The following SYNE2 variants were observed in gnomAD, a reference collection of about 807,000 sequenced individuals.
SYNE2 encodes the protein nesprin-2.
A neutral mutation model predicts 856.3 loss-of-function variants in SYNE2; 431 were observed. That is an observed-to-expected ratio of 0.50 (90% CI 0.47 to 0.55). The LOEUF (loss-of-function observed/expected upper bound fraction) is 0.55. Among genes scored for constraint, SYNE2 ranks in the 20% least tolerant of loss-of-function variants. The probability of loss-of-function intolerance (pLI) is 0.00; values close to 1 mark genes in which losing one functional copy is unlikely to be tolerated. For missense variants in SYNE2, 8,129 were observed against 8,023.2 expected (o/e 1.01, Z -0.50); for synonymous variants, 2,923 against 2,872.3 (o/e 1.02, Z -0.56).
intron 64 of SYNE2, among the ~76,000 whole-genome samples, chr14:64,102,571 G>A (rs1278248998): frequency 1.6e-5 from 2 of 125,078 alleles, no homozygotes; most frequent in African/African-American, 3.0e-5. Context: ...AACATGTTTT[G>A]AAATGTGTAT....
At chr14:63,904,036 C>T (rs2153337054) in intron 1 of SYNE2, among the ~76,000 whole-genome samples, 1 of 152,188 alleles carries the variant, frequency 6.6e-6, no homozygotes, top group South Asian at 2.1e-4. Flanking sequence ...TATGTGTTCT[C>T]AATGTTTAGC....
At chr14:63,974,892 G>GTACATATATA (rs2096527497) in intron 11 of SYNE2, among the ~76,000 whole-genome samples, 1 of 67,322 alleles carries the variant, frequency 1.5e-5, no homozygotes, top group Non-Finnish European at 3.1e-5. Context: ...GTGTGTGTGT[G>GTACATATATA]TATATATATA....
intron 108 of SYNE2, 27 bp from the exon 109 acceptor site, chr14:64,218,371 G>T (rs1294893879): frequency 6.3e-7 from 1 of 1,596,422 alleles, no homozygotes; most frequent in African/African-American, 1.3e-5. Context: ...ATCTACAGAT[G>T]GTAACTTAAA....
At chr14:63,930,348 T>A (rs1029333111) in intron 2 of SYNE2, among the ~76,000 whole-genome samples, 3 of 150,980 alleles carry the variant, frequency 2.0e-5, no homozygotes, top group Non-Finnish European at 4.4e-5. Context: ...CTTTAAAAAG[T>A]GAATTTTATG....
At chr14:64,020,240 T>G in intron 35 of SYNE2, 147 bp downstream of exon 35, 2 of 645,186 alleles carry the variant, frequency 3.1e-6, no homozygotes, top group South Asian at 1.9e-5. Flanking sequence ...ATAACAGGGG[T>G]GTCCTGTCTT....
rs1472135873 is a variant in SYNE2 at position 64,052,426 on chromosome 14, A to AT, written c.8520dup (p.Ala2841CysfsTer14). On this transcript the variant is annotated frameshift_variant, in exon 48 of 116. Transcript: ENST00000555002. LOFTEE classifies it high-confidence loss of function. The stretch of plus-strand genomic sequence containing the variant: ...GAATTTAAGTTGGAAGAAAGAAGCA[A>AT]TTTTTTTGCTATAATAAGGAAGTTT... The AT allele has an allele frequency of 1.9e-6, 3 of 1,612,918 alleles. No individual in the cohort carries two copies. The highest frequency in any genetic ancestry group is 1.3e-5 in the African/African-American group (1 of 74,754).
Position 64,074,001 on chromosome 14 carries a change from G to T in SYNE2, c.10731G>T (p.Leu3577Phe). The stretch of plus-strand genomic sequence containing the variant: ...AGAAAGTTCAGAAAAATAAAGAATT[G>T]GTGCAGACTGAAATCCAAGAAAGAC... ...LLQKVQKNKE[L>F]VQTEIQERHS... Residue 3577 changes from leucine to phenylalanine, a missense_variant, in exon 53 of 116, where the codon TTG becomes TTT. Coordinates refer to ENST00000555002, the MANE Select transcript of SYNE2 (RefSeq NM_182914.3). The T allele has an allele frequency of 6.2e-7, 1 of 1,614,150 alleles. No individual in the cohort carries two copies. Among genetic ancestry groups the T allele is most frequent in the Non-Finnish European group, 8.5e-7 (1 of 1,180,022 alleles).
chr14:64,071,023 C>A (rs1185211751), intron 52 of SYNE2, 113 bp downstream of exon 52: 5 of 1,073,206 alleles, frequency 4.7e-6, no homozygotes, highest in South Asian at 2.8e-5. Flanking sequence ...TGAGGTGAGA[C>A]AACACTGATA....
At chr14:63,970,669 T>G (rs2153457830) in intron 11 of SYNE2, among the ~76,000 whole-genome samples, 1 of 146,748 alleles carries the variant, frequency 6.8e-6, no homozygotes, top group African/African-American at 2.5e-5. Context: ...TTTTTTTTTT[T>G]TTGAGATATA....
chr14:63,774,758 G>A (rs1241536945), intron 1 of SYNE2, among the ~76,000 whole-genome samples: 1 of 151,828 alleles, frequency 6.6e-6, no homozygotes, highest in African/African-American at 2.4e-5. Context: ...TTAAATTATT[G>A]TATTAATAAT....
At chr14:64,164,528 C>G (rs2098359024) in intron 89 of SYNE2, among the ~76,000 whole-genome samples, 1 of 152,200 alleles carries the variant, frequency 6.6e-6, no homozygotes, top group Admixed American at 6.5e-5. Flanking sequence ...GGATTACAAG[C>G]ATGAGCCACT....
intron 17 of SYNE2, among the ~76,000 whole-genome samples, chr14:63,983,221 T>C (rs553723561): frequency 6.6e-6 from 1 of 152,386 alleles, no homozygotes; most frequent in African/African-American, 2.4e-5. Flanking sequence ...TTATCCGTTC[T>C]CTAGTTTATA....
At chr14:64,132,615 G>C (rs1004126137) in intron 77 of SYNE2, among the ~76,000 whole-genome samples, 177 bp downstream of exon 77, 1 of 152,176 alleles carries the variant, frequency 6.6e-6, no homozygotes, top group African/African-American at 2.4e-5. Context: ...GGAAAAGTTG[G>C]CTGGGATTTC....
intron 45 of SYNE2, among the ~76,000 whole-genome samples, chr14:64,047,418 A>G (rs2097194201): frequency 6.6e-6 from 1 of 152,238 alleles, no homozygotes; most frequent in Non-Finnish European, 1.5e-5. Flanking sequence ...GTGGGGATCA[A>G]TCAGAGGAAA....
At position 64,052,683 on chromosome 14, in the gene SYNE2, A is replaced by G; in HGVS notation, c.8770A>G (p.Thr2924Ala). The stretch of plus-strand genomic sequence containing the variant: ...TCAGTTGAAAAATCTTAAGATTAGG[A>G]CCAACAGAATACAAAGATTCATTCA... ...EDQLKNLKIR[T>A]NRIQRFIQNT... The change falls in exon 48 of 116, where the codon ACC becomes GCC. Residue 2924 changes from threonine (T) to alanine (A), a missense_variant. By Grantham distance (58) the Thr-to-Ala change is moderately conservative. Transcript: ENST00000555002. 6.2e-7 allele frequency: 1 copy of G among 1,613,922 alleles called. No individual in the cohort carries two copies. The highest frequency in any genetic ancestry group is 8.5e-7 in the Non-Finnish European group (1 of 1,179,888).
intron 82 of SYNE2, 97 bp downstream of exon 82, chr14:64,142,185 A>C: frequency 7.0e-7 from 1 of 1,431,550 alleles, no homozygotes; most frequent in Non-Finnish European, 9.7e-7. Context: ...TATAATTTCA[A>C]AAAACTAATT....
At chr14:63,919,082 C>T (rs971834700) in intron 2 of SYNE2, among the ~76,000 whole-genome samples, 2 of 152,132 alleles carry the variant, frequency 1.3e-5, no homozygotes. Flanking sequence ...TTTATGAGCA[C>T]AGGTAAAACT....
At chr14:64,063,489 C>G (rs1323605239) in intron 50 of SYNE2, among the ~76,000 whole-genome samples, 1 of 152,244 alleles carries the variant, frequency 6.6e-6, no homozygotes, top group Non-Finnish European at 1.5e-5. Context: ...AGCATCACCT[C>G]TCATGTGACT....
At chr14:64,125,668 C>G (rs2097937782) in intron 71 of SYNE2, among the ~76,000 whole-genome samples, 1 of 152,104 alleles carries the variant, frequency 6.6e-6, no homozygotes, top group Admixed American at 6.6e-5. Context: ...TATAACTGTT[C>G]AAGAATTCAG....
Sources: gnomAD v4.1 joint callset for allele counts (sites outside exome capture counted in the v4.1 genomes callset) on GRCh38, gnomAD v4.1.1 for gene constraint, MANE v1.5 for transcripts, NCBI Gene and HGNC (gene_info 2026-07-23, HGNC 2026-07-21) for gene names.